Variants in TAF1 observed in about 807,000 individuals in gnomAD.
The protein encoded by TAF1 is TATA-box binding protein associated factor 1, also known as transcription initiation factor TFIID subunit 1.
Under a neutral mutation model 138.5 loss-of-function variants are expected in TAF1, and 2 were observed. The ratio of observed to expected loss-of-function variants is 0.01; its 90% CI spans 0.01 to 0.05. The LOEUF (loss-of-function observed/expected upper bound fraction) is 0.05. Ranked by LOEUF, TAF1 falls within the 10% of genes least tolerant of loss-of-function variation. The probability of loss-of-function intolerance (pLI) is 1.00; values close to 1 mark genes in which losing one functional copy is unlikely to be tolerated. For synonymous variants in TAF1, 437 were observed against 503.2 expected, an observed-to-expected ratio of 0.87 and a Z score of 1.76; for missense variants, 709 against 1,478.0, an observed-to-expected ratio of 0.48 and a Z score of 8.53.
intron 14 of TAF1, among the ~76,000 whole-genome samples, chrX:71,386,898 C>T (rs1346072157): frequency 8.9e-6 from 1 of 112,761 alleles, no homozygotes; most frequent in African/African-American, 3.2e-5. Flanking sequence ...CATATGTAAT[C>T]TTCATAGCAG....
rs1244521147 is a variant in TAF1, at chrX:71,416,030, A to G, written c.4385-5279A>G. ...CCCCCATTCTGTTGTCTCATTAGCTAAGGTCTACATTAGGCCCATATCATA... is the reference window on the plus strand; with the variant it reads ...CCCCCATTCTGTTGTCTCATTAGCTGAGGTCTACATTAGGCCCATATCATA... On this transcript the variant is annotated intron_variant, in intron 28 of 37. Coordinates refer to ENST00000423759, the MANE Select transcript of TAF1 (RefSeq NM_004606.5). Among the ~76,000 whole-genome samples the G allele has an allele frequency of 5.6e-4, 3 of 5,342 alleles. No homozygotes were observed. In the East Asian group the frequency reaches 8.0e-3, roughly 14 times the overall value. 4.6% of individuals were successfully genotyped at this position (5,342 alleles called of 115,157 possible). A position where few individuals can be genotyped will look rare whatever the true frequency, so the allele number is the denominator to read the frequency against.
intron 27 of TAF1, 58 bp downstream of exon 27, chrX:71,407,730 G>A: frequency 9.0e-7 from 1 of 1,116,326 alleles, no homozygotes; most frequent in Admixed American, 2.2e-5. Context: ...TGTTCTGTCT[G>A]TGATTTCCAA....
rs573135807 is a variant in TAF1 at position 71,405,593 on chromosome X, C to T, written c.3999-1045C>T. ...CTCGAACTTCTGAGCTCAGGCAATCCGCCTGCCTGGGCCTTCCAAAGTGCT... is the reference window on the plus strand; with the variant it reads ...CTCGAACTTCTGAGCTCAGGCAATCTGCCTGCCTGGGCCTTCCAAAGTGCT... On this transcript the variant is annotated intron_variant, in intron 25 of 37. Transcript: ENST00000423759. Among the ~76,000 whole-genome samples the T allele has an allele frequency of 1.2e-4, 14 of 112,517 alleles. No individual in the cohort carries two copies. The South Asian group carries it at 4.0e-3, about 32-fold the overall frequency.
chrX:71,366,503 G>T lies in TAF1; in HGVS notation c.120+9G>T, dbSNP rs778738983. On this transcript the variant is annotated intron_variant, in intron 1 of 37. Coordinates refer to ENST00000423759, the MANE Select transcript of TAF1 (RefSeq NM_004606.5). The stretch of plus-strand genomic sequence containing the variant: ...AAAGCGTCTTGGATGATGTGAGGGG[G>T]TGGGCGTGGGGGTAGGGCTCGGGGG... 2 of 1,109,076 alleles carry T rather than the reference G, an allele frequency of 1.8e-6. No homozygotes were observed. Among genetic ancestry groups the T allele is most frequent in the Admixed American group, 2.8e-5 (1 of 35,255 alleles). The allele number at this position is 1,109,076 out of a possible 1,213,427, so 91.4% of individuals were successfully genotyped here.
At chrX:71,504,770 A>G (rs1361077140) in intron 13 of TAF1, among the ~76,000 whole-genome samples, 3 of 102,032 alleles carry the variant, frequency 2.9e-5, no homozygotes, top group African/African-American at 1.1e-4. Flanking sequence ...AAAAAAAAAA[A>G]AAAGAAAAGA....
intron 13 of TAF1, among the ~76,000 whole-genome samples, chrX:71,508,953 C>T (rs953352863): frequency 1.8e-5 from 2 of 108,951 alleles, no homozygotes; most frequent in Non-Finnish European, 3.8e-5. Context: ...ACTATGGGAG[C>T]GTGCCACCAC....
At chrX:71,426,796 C>T (rs1470200116) in intron 32 of TAF1, among the ~76,000 whole-genome samples, 1 of 110,820 alleles carries the variant, frequency 9.0e-6, no homozygotes, top group Non-Finnish European at 1.9e-5. Context: ...GAGAGGCAGG[C>T]AAGAGTCAAA....
intron 13 of TAF1, among the ~76,000 whole-genome samples, chrX:71,485,794 G>C (rs1181248844): frequency 3.6e-5 from 4 of 110,249 alleles, no homozygotes; most frequent in African/African-American, 1.3e-4. Flanking sequence ...AATCCTATAG[G>C]TTGCCTTTTT....
intron 36 of TAF1, 78 bp downstream of exon 36, chrX:71,459,786 G>A: frequency 1.7e-6 from 2 of 1,162,765 alleles, no homozygotes; most frequent in Non-Finnish European, 1.1e-6. Flanking sequence ...GGCGCTCTTG[G>A]CCACATATGC....
At position 71,385,034 on chromosome X, in the gene TAF1, T is replaced by G. The variant is rs2034130355; in HGVS notation, c.2211T>G (p.Pro737=). The change falls in exon 14 of 38, where the codon CCT becomes CCG. Residue 737 remains proline, a synonymous_variant. Transcript: ENST00000423759. ...HTSPFLGSLH[P]GQLLQAFENN... is the part of the protein sequence containing the mutation. ...CTCCTTTCCTGGGTTCTCTCCATCC[T>G]GGCCAATTGCTGCAAGTGAGGAATT... The G allele has an allele frequency of 2.5e-6, 3 of 1,204,894 alleles. No homozygotes were observed. In the Admixed American group the frequency reaches 6.6e-5, roughly 27 times the overall value.
chrX:71,429,076 C>T (rs889079333), intron 32 of TAF1, among the ~76,000 whole-genome samples: 2 of 110,839 alleles, frequency 1.8e-5, no homozygotes, highest in Non-Finnish European at 3.8e-5. Flanking sequence ...GAGATCGAAA[C>T]CATTCTGGCT....
chrX:71,415,128 CTTTTTTTTTTTT>C (rs1158533765), intron 28 of TAF1, among the ~76,000 whole-genome samples: 15 of 51,624 alleles, frequency 2.9e-4, no homozygotes, highest in African/African-American at 7.2e-4. Context: ...AAAGTTTTGT[CTTTTTTTTTTTT>C]TTTTTTTTTT....
intron 32 of TAF1, among the ~76,000 whole-genome samples, chrX:71,446,475 A>T (rs966269773): frequency 1.8e-5 from 2 of 112,031 alleles, no homozygotes; most frequent in Non-Finnish European, 3.8e-5. Flanking sequence ...ACAGCATAGA[A>T]TTGTATAAAG....
intron 13 of TAF1, among the ~76,000 whole-genome samples, chrX:71,500,925 G>A (rs2039492455): frequency 2.7e-5 from 3 of 109,743 alleles, no homozygotes; most frequent in Non-Finnish European, 5.7e-5. Context: ...ATTGCCAGAT[G>A]TGGTGGCAGG....
intron 32 of TAF1, among the ~76,000 whole-genome samples, chrX:71,432,499 C>CT (rs200161016): frequency 0.028 from 2,721 of 97,300 alleles, 26 homozygotes; most frequent in African/African-American, 0.041. Flanking sequence ...AAGATGGAGA[C>CT]TTTTTTTTTT....
chrX:71,524,769 C>T (rs796809721), intron 13 of TAF1, among the ~76,000 whole-genome samples: 7 of 109,044 alleles, frequency 6.4e-5, no homozygotes, highest in South Asian at 8.1e-4. Context: ...GGTGAAACCC[C>T]ATCTCTACTA....
In TAF1 at chrX:71,407,621, G is replaced by A. The variant is rs202158967; in HGVS notation, c.4155G>A (p.Thr1385=). The A allele has an allele frequency of 7.2e-5, 87 of 1,209,560 alleles. No homozygotes were observed. In the Middle Eastern group the frequency reaches 4.6e-3, roughly 64 times the overall value. Reference sequence around the variant, plus strand: ...GGCGCCGCACAGACCCTATGGTGACGCTGTCGTCCATCTTGGAGTCTATCA... The same window carrying A: ...GGCGCCGCACAGACCCTATGGTGACACTGTCGTCCATCTTGGAGTCTATCA... ...IHRRRTDPMV[T]LSSILESIIN... Residue 1385 remains threonine, a synonymous_variant, in exon 27 of 38, where the codon ACG becomes ACA. Coordinates refer to ENST00000423759, the MANE Select transcript of TAF1 (RefSeq NM_004606.5).
chrX:71,377,558 A>T (rs1364397347), intron 5 of TAF1, 45 bp from the exon 6 acceptor site: 2 of 1,179,531 alleles, frequency 1.7e-6, no homozygotes, highest in Non-Finnish European at 1.1e-6. Flanking sequence ...CTGTTTTCCC[A>T]TCTGACTTTG....
chrX:71,403,991 C>T lies in TAF1; in HGVS notation c.3998+2252C>T, dbSNP rs1437049500. Among the ~76,000 whole-genome samples, 6 of 104,464 alleles carry T rather than the reference C, an allele frequency of 5.7e-5. No homozygotes were observed. In the South Asian group the frequency reaches 1.3e-3, roughly 23 times the overall value. 90.7% of individuals were successfully genotyped at this position (104,464 alleles called of 115,157 possible). A position where few individuals can be genotyped will look rare whatever the true frequency, so the allele number is the denominator to read the frequency against. The stretch of plus-strand genomic sequence containing the variant: ...CACAAGATGTTTTTGTGTTTTTTCT[C>T]GAGACAGAGTCTTCCTCCTTTGCCC... On this transcript the variant is annotated intron_variant, in intron 25 of 37. Coordinates refer to ENST00000423759, the MANE Select transcript of TAF1 (RefSeq NM_004606.5).
Sources: gnomAD v4.1 joint callset for allele counts (sites outside exome capture counted in the v4.1 genomes callset) on GRCh38, gnomAD v4.1.1 for gene constraint, MANE v1.5 for transcripts, NCBI Gene and HGNC (gene_info 2026-07-23, HGNC 2026-07-21) for gene names.